The following ITGA11 variants were observed in gnomAD, a reference collection of about 807,000 sequenced individuals.
ITGA11 encodes the protein integrin alpha-11.
ITGA11 carries 97 observed loss-of-function variants against 141.9 expected under a neutral mutation model. That is an observed-to-expected ratio of 0.68 (90% confidence interval 0.58 to 0.81). The LOEUF (loss-of-function observed/expected upper bound fraction) is 0.81. ITGA11 is among the 30% of genes least tolerant of loss of function. The pLI is 0.00. For missense variants in ITGA11, 1,387 were observed against 1,559.2 expected (o/e 0.89, Z 1.86); for synonymous variants, 658 against 624.6 (o/e 1.05, Z -0.80).
At chr15:68,389,398 C>T (rs947747639) in intron 2 of ITGA11, among the ~76,000 whole-genome samples, 1 of 152,226 alleles carries the variant, frequency 6.6e-6, no homozygotes, top group Non-Finnish European at 1.5e-5. Context: ...CTCATGGGGC[C>T]AGCAGCGTGT....
intron 1 of ITGA11, among the ~76,000 whole-genome samples, chr15:68,409,121 C>T (rs933589996): frequency 1.3e-5 from 2 of 152,056 alleles, no homozygotes; most frequent in Non-Finnish European, 2.9e-5. Flanking sequence ...TTTGCCCATG[C>T]TGTTCACCAT....
chr15:68,314,222 G>T (rs1048418328), intron 22 of ITGA11, among the ~76,000 whole-genome samples: 4 of 152,226 alleles, frequency 2.6e-5, no homozygotes, highest in African/African-American at 9.6e-5. Flanking sequence ...GGACTCAGGG[G>T]CTGTGGGAGA....
At chr15:68,407,640 A>G (rs1264209447) in intron 1 of ITGA11, among the ~76,000 whole-genome samples, 1 of 152,166 alleles carries the variant, frequency 6.6e-6, no homozygotes, top group African/African-American at 2.4e-5. Context: ...TATTGATGAC[A>G]GAGGGGGAAA....
chr15:68,346,583 G>A (rs977891976), intron 10 of ITGA11, among the ~76,000 whole-genome samples: 10 of 152,200 alleles, frequency 6.6e-5, no homozygotes, highest in African/African-American at 2.4e-4. Context: ...GGCTGTGAAT[G>A]GACAAAGGAA....
chr15:68,385,303 G>A (rs1044330782), intron 2 of ITGA11, among the ~76,000 whole-genome samples: 3 of 152,226 alleles, frequency 2.0e-5, no homozygotes, highest in Admixed American at 2.0e-4. Context: ...CAGAAGGCCT[G>A]TGTGTGCCCC....
At chr15:68,309,677 G>A (rs966359477) in intron 26 of ITGA11, among the ~76,000 whole-genome samples, 1 of 141,514 alleles carries the variant, frequency 7.1e-6, no homozygotes, top group Non-Finnish European at 1.5e-5. Context: ...TCATTGCAAC[G>A]TCTGCCTCCC....
intron 23 of ITGA11, among the ~76,000 whole-genome samples, chr15:68,313,164 A>T (rs1002448838): frequency 6.6e-6 from 1 of 152,126 alleles, no homozygotes; most frequent in Non-Finnish European, 1.5e-5. Flanking sequence ...CGGAGTGACC[A>T]TGCCACTGTG....
chr15:68,363,711 TC>T, intron 4 of ITGA11, among the ~76,000 whole-genome samples: 1 of 152,284 alleles, frequency 6.6e-6, no homozygotes, highest in East Asian at 1.9e-4. Context: ...TGCAACTGTT[TC>T]TAGGAACCAT....
chr15:68,411,840 T>C (rs988867759), intron 1 of ITGA11, among the ~76,000 whole-genome samples: 2 of 152,200 alleles, frequency 1.3e-5, no homozygotes, highest in African/African-American at 2.4e-5. Flanking sequence ...TGTCTATTTC[T>C]GCTTGCTGGC....
In ITGA11 at chr15:68,325,945, C is replaced by T. The variant is rs1173531368; in HGVS notation, c.2212-704G>A. Among the ~76,000 whole-genome samples the T allele has an allele frequency of 6.6e-6, 1 of 152,190 alleles. No homozygotes were observed. Among genetic ancestry groups the T allele is most frequent in the Non-Finnish European group, 1.5e-5 (1 of 68,032 alleles). On this transcript the variant is annotated intron_variant, in intron 17 of 29. Coordinates refer to ENST00000315757, the MANE Select transcript of ITGA11 (RefSeq NM_001004439.2). This position sits in a 1 kb window ranked among gnomAD's most constrained non-coding sequence, Gnocchi z 5.5. ...TGCTGGCGCCAGCCCCAGCCCCAGC[C>T]CCAGAGTTTCTGAGTCAGAACAAGT... is the stretch of plus-strand genomic sequence containing the variant.
At position 68,332,490 on chromosome 15, in the gene ITGA11, G is replaced by T; in HGVS notation, c.1426-12C>A. ...AAGTAAGAGCCTATCTGCGGCACGT[G>T]ATGGGAGAGAGGAGTGGGCTGGCTG... On this transcript the variant is annotated splice_polypyrimidine_tract_variant and intron_variant, in intron 12 of 29. Coordinates refer to ENST00000315757, the MANE Select transcript of ITGA11 (RefSeq NM_001004439.2). The T allele has an allele frequency of 6.2e-7, 1 of 1,611,202 alleles. No homozygotes were observed. Among genetic ancestry groups the T allele is most frequent in the Non-Finnish European group, 8.5e-7 (1 of 1,178,748 alleles).
Position 68,307,467 on chromosome 15 carries a change from G to A in ITGA11, c.3286-24C>T. On this transcript the variant is annotated intron_variant, in intron 27 of 29. Transcript: ENST00000315757. This position sits in a 1 kb window ranked among gnomAD's most constrained non-coding sequence, Gnocchi z 6.1. Reference sequence around the variant, plus strand: ...AGCTGTGCAATCAGAGGGCTCGTCAGAAGCTGGCTTGGAAGCTTTTCTTCC... The same window carrying A: ...AGCTGTGCAATCAGAGGGCTCGTCAAAAGCTGGCTTGGAAGCTTTTCTTCC... The A allele has an allele frequency of 6.5e-7, 1 of 1,548,886 alleles. No homozygotes were observed. The highest frequency in any genetic ancestry group is 8.7e-7 in the Non-Finnish European group (1 of 1,143,188).
intron 2 of ITGA11, among the ~76,000 whole-genome samples, chr15:68,370,860 G>T (rs1895567557): frequency 6.6e-6 from 1 of 152,184 alleles, no homozygotes; most frequent in Non-Finnish European, 1.5e-5. Flanking sequence ...TGGTTGGGAG[G>T]AGGTGGCCGG....
intron 3 of ITGA11, chr15:68,365,100 G>A (rs888398707): frequency 1.2e-5 from 12 of 971,714 alleles, no homozygotes; most frequent in African/African-American, 1.8e-5. Context: ...CATCCGACTG[G>A]AGCCCCACTT....
chr15:68,374,540 C>A (rs1296750463), intron 2 of ITGA11, among the ~76,000 whole-genome samples: 1 of 152,188 alleles, frequency 6.6e-6, no homozygotes, highest in Non-Finnish European at 1.5e-5. Flanking sequence ...TTCCCCCAAG[C>A]CATGGAGGGC....
At chr15:68,359,530 C>A (rs1208647839) in intron 5 of ITGA11, among the ~76,000 whole-genome samples, 1 of 152,118 alleles carries the variant, frequency 6.6e-6, no homozygotes, top group East Asian at 1.9e-4. Context: ...CCTGTAATCC[C>A]AGCTACTCGG....
intron 1 of ITGA11, among the ~76,000 whole-genome samples, chr15:68,406,225 G>A (rs868820845): frequency 6.6e-6 from 1 of 152,034 alleles, no homozygotes; most frequent in African/African-American, 2.4e-5. Context: ...GTGAGATCCC[G>A]TCACCCCTCA....
intron 1 of ITGA11, among the ~76,000 whole-genome samples, chr15:68,425,679 C>T (rs1301430944): frequency 6.6e-6 from 1 of 152,212 alleles, no homozygotes; most frequent in Non-Finnish European, 1.5e-5. Flanking sequence ...GTGCTCTTTG[C>T]AGACTATCTA....
At chr15:68,401,104 A>G (rs372206497) in intron 2 of ITGA11, among the ~76,000 whole-genome samples, 2 of 149,796 alleles carry the variant, frequency 1.3e-5, no homozygotes, top group African/African-American at 4.9e-5. Flanking sequence ...ATTTATGAAA[A>G]GTTGGTCAAC....
Sources: gnomAD v4.1 joint callset for allele counts (sites outside exome capture counted in the v4.1 genomes callset) on GRCh38, gnomAD v4.1.1 for gene constraint, Gnocchi (gnomAD v3.1) non-coding constraint, MANE v1.5 for transcripts, NCBI Gene and HGNC (gene_info 2026-07-23, HGNC 2026-07-21) for gene names.